CCDC122: variants seen among roughly 807,000 people sequenced by gnomAD.
CCDC122 encodes coiled-coil domain-containing protein 122.
CCDC122 carries 38 observed loss-of-function variants against 37.0 expected under a neutral mutation model. That is an observed-to-expected ratio of 1.03 (90% CI 0.79 to 1.35). The LOEUF (loss-of-function observed/expected upper bound fraction) is 1.35, where lower values mean the gene tolerates loss of function less well. Among genes scored for constraint, CCDC122 ranks in the 40% most tolerant of loss-of-function variants. The probability of loss-of-function intolerance (pLI) is 0.00; values close to 1 mark genes in which losing one functional copy is unlikely to be tolerated. For missense variants in CCDC122, 305 were observed against 310.0 expected, an observed-to-expected ratio of 0.98 and a Z score of 0.12; for synonymous variants, 83 against 95.6, an observed-to-expected ratio of 0.87 and a Z score of 0.77.
At chr13:43,833,631 C>A (rs186747182), downstream of CCDC122, among the ~76,000 whole-genome samples, 89 of 152,298 alleles carry the variant, frequency 5.8e-4, no homozygotes, top group South Asian at 5.4e-3. Flanking sequence ...GACAATGAAG[C>A]TGACCGCATT....
At chr13:43,875,399 C>T (rs1954576473) in intron 1 of CCDC122, among the ~76,000 whole-genome samples, 1 of 152,122 alleles carries the variant, frequency 6.6e-6, no homozygotes, top group Admixed American at 6.5e-5. Flanking sequence ...GTAAATGTGA[C>T]CTTATTTTGA....
At chr13:43,857,143 A>G (rs1414952208) in intron 6 of CCDC122, among the ~76,000 whole-genome samples, 1 of 152,180 alleles carries the variant, frequency 6.6e-6, no homozygotes, top group African/African-American at 2.4e-5. Flanking sequence ...GAGGATGGTC[A>G]TATTTTTCTT....
At chr13:43,867,263 T>C (rs1467319070) in intron 4 of CCDC122, among the ~76,000 whole-genome samples, 1 of 152,146 alleles carries the variant, frequency 6.6e-6, no homozygotes. Flanking sequence ...TTTCTTATCG[T>C]GGTATAAATC....
At chr13:43,878,377 G>A (rs980217789) in intron 1 of CCDC122, among the ~76,000 whole-genome samples, 1 of 152,120 alleles carries the variant, frequency 6.6e-6, no homozygotes, top group Admixed American at 6.5e-5. Context: ...AATGACCAAA[G>A]AAAACATGAA....
intron 3 of CCDC122, among the ~76,000 whole-genome samples, chr13:43,824,625 TG>T (rs1191290488): frequency 6.6e-6 from 1 of 152,156 alleles, no homozygotes; most frequent in Non-Finnish European, 1.5e-5. Context: ...ATCTACAGAA[TG>T]GGAGAAAATA....
At chr13:43,824,526 C>T (rs374329515) in intron 3 of CCDC122, among the ~76,000 whole-genome samples, 7 of 152,212 alleles carry the variant, frequency 4.6e-5, no homozygotes, top group African/African-American at 1.7e-4. Context: ...TCTTCAAAAG[C>T]AATTGTAACA....
intron 1 of CCDC122, among the ~76,000 whole-genome samples, chr13:43,877,310 C>G (rs933490976): frequency 2.6e-5 from 4 of 152,074 alleles, no homozygotes; most frequent in Non-Finnish European, 4.4e-5. Flanking sequence ...AATAGATGGG[C>G]AAATGAACAC....
chr13:43,837,375 T>G lies in CCDC122; in HGVS notation c.727A>C (p.Lys243Gln), dbSNP rs746094814. 101 of 1,614,012 alleles carry G rather than the reference T, an allele frequency of 6.3e-5. No individual in the cohort carries two copies. In the East Asian group the frequency reaches 2.2e-3, roughly 35 times the overall value. The change falls in exon 7 of 7, where the codon AAG becomes CAG. Residue 243 changes from lysine (K) to glutamine (Q), a missense_variant. By Grantham distance (53) the Lys-to-Gln change is moderately conservative (BLOSUM62 1). Coordinates refer to ENST00000444614, the MANE Select transcript of CCDC122 (RefSeq NM_144974.5). ...ILKRLHCQVNKLQSNRRQWQW... is the reference protein window; with the variant it reads ...ILKRLHCQVNQLQSNRRQWQW... ...CACTGTCGTCTATTTGACTGAAGCT[T>G]GTTCACCTGACAATGCAAACGCTTA...
At chr13:43,822,000 T>G (rs892462146), downstream of CCDC122, among the ~76,000 whole-genome samples, 1 of 152,154 alleles carries the variant, frequency 6.6e-6, no homozygotes, top group Non-Finnish European at 1.5e-5. Context: ...GGTGCCTTAT[T>G]TAGTTTCTTT....
At chr13:43,873,695 T>C (rs1008352317) in intron 2 of CCDC122, among the ~76,000 whole-genome samples, 11 of 152,202 alleles carry the variant, frequency 7.2e-5, no homozygotes, top group Non-Finnish European at 1.2e-4. Flanking sequence ...GCAAAGCCCA[T>C]TGGCTCTACC....
At position 43,860,006 on chromosome 13, in the gene CCDC122, C is replaced by G; in HGVS notation, c.221G>C (p.Arg74Thr). ...AISAETKETERQIYQQDSAIE... is the reference protein window; with the variant it reads ...AISAETKETETQIYQQDSAIE... ...GGCAGAATCTTGTTGATAAATTTGT[C>G]TTTCTGTTTCTTTAGTTTCTGCAGA... is the stretch of plus-strand genomic sequence containing the variant. Residue 74 changes from arginine to threonine, a missense_variant, in exon 5 of 7, where the codon AGA (arginine) becomes ACA (threonine). Physicochemically the swap from Arg to Thr is moderately conservative, Grantham distance 71. Transcript: ENST00000444614. 6.3e-7 allele frequency: 1 copy of G among 1,584,454 alleles called. No homozygotes were observed. The highest frequency in any genetic ancestry group is 8.6e-7 in the Non-Finnish European group (1 of 1,166,258).
At chr13:43,850,800 T>C (rs978301920) in intron 6 of CCDC122, among the ~76,000 whole-genome samples, 1 of 152,134 alleles carries the variant, frequency 6.6e-6, no homozygotes, top group African/African-American at 2.4e-5. Context: ...TGGCAAAAGA[T>C]ACAAAACTAC....
chr13:43,828,956 C>A (rs1245237787), intron 3 of CCDC122, among the ~76,000 whole-genome samples: 1 of 151,832 alleles, frequency 6.6e-6, no homozygotes, highest in Non-Finnish European at 1.5e-5. Flanking sequence ...AAGTCCAGGG[C>A]AAAAAAGGTT....
chr13:43,854,014 T>C (rs1408724188), intron 6 of CCDC122: 1 of 152,168 alleles, frequency 6.6e-6, no homozygotes, highest in Admixed American at 6.5e-5. Context: ...TTTATAGCAC[T>C]AAATGCCCAC....
intron 4 of CCDC122, among the ~76,000 whole-genome samples, chr13:43,865,973 G>A (rs1954262922): frequency 6.6e-6 from 1 of 152,082 alleles, no homozygotes; most frequent in African/African-American, 2.4e-5. Context: ...AGTAAAATAA[G>A]GTTTAGTTGA....
chr13:43,830,364 G>A (rs1478372776), intron 3 of CCDC122, among the ~76,000 whole-genome samples: 2 of 152,136 alleles, frequency 1.3e-5, no homozygotes, highest in African/African-American at 4.8e-5. Flanking sequence ...AATCTTGTAA[G>A]GCGACTTAGT....
chr13:43,858,576 T>C (rs1292541687), intron 6 of CCDC122: 3 of 279,660 alleles, frequency 1.1e-5, no homozygotes, highest in African/African-American at 6.7e-5. Flanking sequence ...TTGCATTGTT[T>C]GAACACATTC....
downstream of CCDC122, among the ~76,000 whole-genome samples, chr13:43,832,071 T>A (rs1953094813): frequency 6.6e-6 from 1 of 151,270 alleles, no homozygotes; most frequent in African/African-American, 2.4e-5. Context: ...GAGAGAGTAT[T>A]ATATGGTAGC....
At chr13:43,856,864 T>C (rs1953928815) in intron 6 of CCDC122, among the ~76,000 whole-genome samples, 1 of 152,200 alleles carries the variant, frequency 6.6e-6, no homozygotes, top group Non-Finnish European at 1.5e-5. Context: ...CATAAATATA[T>C]GTACATGTTA....
Sources: allele counts gnomAD v4.1 joint callset (sites outside exome capture counted in the v4.1 genomes callset), GRCh38; gene constraint gnomAD v4.1.1; transcripts MANE v1.5; gene names NCBI Gene and HGNC (gene_info 2026-07-23, HGNC 2026-07-21).